LIMCH1: variants seen among roughly 807,000 people sequenced by gnomAD.
The protein encoded by LIMCH1 is LIM and calponin homology domains-containing protein 1.
In LIMCH1, 113 loss-of-function variants were observed where a neutral mutation model predicts 176.5. The observed-to-expected ratio is 0.64, with a 90% CI of 0.55 to 0.75. The LOEUF (loss-of-function observed/expected upper bound fraction) is 0.75. Among genes scored for constraint, LIMCH1 ranks in the 30% least tolerant of loss-of-function variants. The pLI is 0.00. For synonymous variants in LIMCH1, 619 were observed against 645.9 expected (o/e 0.96, Z 0.63); for missense variants, 1,674 against 1,814.9 (o/e 0.92, Z 1.41).
intron 1 of LIMCH1, among the ~76,000 whole-genome samples, chr4:41,449,697 T>C (rs1223940419): frequency 2.0e-5 from 3 of 152,232 alleles, no homozygotes; most frequent in African/African-American, 7.2e-5. Context: ...GTGAAGTAAC[T>C]TGAACCTCAG....
intron 1 of LIMCH1, among the ~76,000 whole-genome samples, chr4:41,424,117 T>C (rs746818786): frequency 3.3e-5 from 5 of 151,952 alleles, no homozygotes; most frequent in Non-Finnish European, 7.4e-5. Context: ...CCATGCGTAC[T>C]AGCCTTATAC....
intron 1 of LIMCH1, among the ~76,000 whole-genome samples, chr4:41,594,363 A>G (rs577303189): frequency 6.6e-6 from 1 of 152,354 alleles, no homozygotes; most frequent in African/African-American, 2.4e-5. Context: ...TATAGCCATT[A>G]TAGTAAAGCA....
intron 1 of LIMCH1, among the ~76,000 whole-genome samples, chr4:41,478,356 T>A (rs1011141160): frequency 1.1e-4 from 16 of 152,228 alleles, no homozygotes; most frequent in Non-Finnish European, 1.6e-4. Context: ...TTGCTTTTCT[T>A]TATAGTTGTG....
At chr4:41,372,341 T>C (rs1281871577) in intron 1 of LIMCH1, among the ~76,000 whole-genome samples, 1 of 152,242 alleles carries the variant, frequency 6.6e-6, no homozygotes, top group East Asian at 1.9e-4. Context: ...GCCTTTTACA[T>C]GAACTCTGTA....
intron 1 of LIMCH1, among the ~76,000 whole-genome samples, chr4:41,379,846 T>A (rs1459911585): frequency 6.6e-6 from 1 of 152,198 alleles, no homozygotes; most frequent in Non-Finnish European, 1.5e-5. Context: ...TTGCCCAGGC[T>A]GGGGTGCAGT....
intron 18 of LIMCH1, among the ~76,000 whole-genome samples, chr4:41,657,534 C>T (rs997692208): frequency 3.9e-5 from 6 of 152,324 alleles, no homozygotes; most frequent in African/African-American, 1.4e-4. Flanking sequence ...TACTCAGCCA[C>T]TCTGAAATTA....
chr4:41,615,439 T>C (rs1346638179), intron 5 of LIMCH1, among the ~76,000 whole-genome samples: 2 of 152,144 alleles, frequency 1.3e-5, no homozygotes, highest in Admixed American at 6.5e-5. Context: ...TTTATGAATG[T>C]TTTCTCCATC....
At chr4:41,432,687 G>A (rs564068955) in intron 1 of LIMCH1, among the ~76,000 whole-genome samples, 2 of 152,288 alleles carry the variant, frequency 1.3e-5, no homozygotes, top group Admixed American at 6.5e-5. Context: ...CTGAATGACA[G>A]CTATAGTTTG....
chr4:41,511,460 G>A (rs1460583723), intron 2 of LIMCH1, among the ~76,000 whole-genome samples: 3 of 152,222 alleles, frequency 2.0e-5, no homozygotes, highest in Non-Finnish European at 4.4e-5. Flanking sequence ...TTCAACTGCT[G>A]TCTCCCTCAT....
chr4:41,396,452 A>C lies in LIMCH1; in HGVS notation c.96+35516A>C, dbSNP rs568502840. ...TGAGCTCAGAGCCCTTCCCAGCCCA[A>C]CAAGATGCACTTAACCCTCTGTGGG... On this transcript the variant is annotated intron_variant, in intron 1 of 26. Coordinates refer to the LIMCH1 transcript ENST00000313860. 2.6e-5 allele frequency among the ~76,000 whole-genome samples: 4 copies of C among 152,316 alleles called. No individual in the cohort carries two copies. In the South Asian group the frequency reaches 8.3e-4, roughly 32 times the overall value.
intron 1 of LIMCH1, among the ~76,000 whole-genome samples, chr4:41,402,942 A>G (rs1363653303): frequency 1.3e-5 from 2 of 151,434 alleles, no homozygotes; most frequent in East Asian, 1.9e-4. Context: ...TAACCTGCAC[A>G]TTGTGCACAT....
chr4:41,685,161 T>C lies in LIMCH1; in HGVS notation c.3968-549T>C, dbSNP rs569294563. Among the ~76,000 whole-genome samples, 5 of 152,308 alleles carry C rather than the reference T, an allele frequency of 3.3e-5. No homozygotes were observed. In the South Asian group the frequency reaches 6.2e-4, roughly 19 times the overall value. On this transcript the variant is annotated intron_variant, in intron 27 of 31. Coordinates refer to ENST00000503057, the MANE Select transcript of LIMCH1 (RefSeq NM_001330672.2). ...GCCAAAGCAAATCTGGCTGACCAAA[T>C]AAATATTTTTTAATGGTGGAATTAA...
intron 1 of LIMCH1, among the ~76,000 whole-genome samples, chr4:41,547,861 GTGTATATATATATA>G (rs1182106478): frequency 2.6e-4 from 22 of 84,980 alleles, no homozygotes; most frequent in South Asian, 1.3e-3. Flanking sequence ...ATTTGTGTGT[GTGTATATATATATA>G]TATATATATA....
chr4:41,372,411 G>A (rs2054111709), intron 1 of LIMCH1, among the ~76,000 whole-genome samples: 2 of 152,096 alleles, frequency 1.3e-5, no homozygotes, highest in Admixed American at 1.3e-4. Flanking sequence ...GTTTTTGGCT[G>A]GCTGTCTTAG....
At chr4:41,382,131 A>C (rs560292395) in intron 1 of LIMCH1, among the ~76,000 whole-genome samples, 4 of 152,228 alleles carry the variant, frequency 2.6e-5, no homozygotes, top group African/African-American at 9.7e-5. Context: ...GTTGTTTACC[A>C]CTGAAGTGTG....
intron 1 of LIMCH1, among the ~76,000 whole-genome samples, chr4:41,483,606 C>T (rs1201013383): frequency 6.6e-6 from 1 of 152,206 alleles, no homozygotes; most frequent in African/African-American, 2.4e-5. Flanking sequence ...TCGACCATGC[C>T]TACTCTGGCA....
intron 1 of LIMCH1, among the ~76,000 whole-genome samples, chr4:41,580,773 A>G (rs1483680262): frequency 6.6e-6 from 1 of 152,198 alleles, no homozygotes; most frequent in Non-Finnish European, 1.5e-5. Context: ...TTGAAAGCCC[A>G]CTTAAGGGAA....
intron 14 of LIMCH1, among the ~76,000 whole-genome samples, chr4:41,642,737 C>CTTTTTTTTTTTTTTTTT (rs368906535): frequency 7.3e-6 from 1 of 136,402 alleles, no homozygotes; most frequent in Non-Finnish European, 1.5e-5. Context: ...TTTCTTTTTT[C>CTTTTTTTTTTTTTTTTT]TTTTTTTTTT....
intron 21 of LIMCH1, among the ~76,000 whole-genome samples, chr4:41,668,625 G>C (rs776579719): frequency 3.3e-5 from 5 of 152,170 alleles, no homozygotes; most frequent in Non-Finnish European, 7.3e-5. Context: ...AAATTTAGTA[G>C]AGTACTGAAA....
Sources: allele counts gnomAD v4.1 joint callset (sites outside exome capture counted in the v4.1 genomes callset), GRCh38; gene constraint gnomAD v4.1.1; transcripts MANE v1.5; gene names NCBI Gene and HGNC (gene_info 2026-07-23, HGNC 2026-07-21).